Variants in APOBEC2 observed in about 807,000 individuals in gnomAD.
The protein encoded by APOBEC2 is C->U-editing enzyme APOBEC-2.
A neutral mutation model predicts 19.4 loss-of-function variants in APOBEC2; 14 were observed. The ratio of observed to expected loss-of-function variants is 0.72; its 90% CI spans 0.48 to 1.13. The LOEUF (loss-of-function observed/expected upper bound fraction) is 1.13, where lower values mean the gene tolerates loss of function less well. APOBEC2 is among the 50% of genes most tolerant of loss of function. The probability of loss-of-function intolerance (pLI) is 0.00; values close to 1 mark genes in which losing one functional copy is unlikely to be tolerated. For missense variants in APOBEC2, 304 were observed against 277.0 expected, an observed-to-expected ratio of 1.10 and a Z score of -0.69; for synonymous variants, 127 against 112.1, an observed-to-expected ratio of 1.13 and a Z score of -0.84.
intron 1 of APOBEC2, among the ~76,000 whole-genome samples, chr6:41,057,686 A>G (rs1192115920): frequency 1.3e-5 from 2 of 152,186 alleles, no homozygotes; most frequent in Non-Finnish European, 2.9e-5. Flanking sequence ...ATAATTACCT[A>G]TGAGTAGATT....
In APOBEC2 at chr6:41,061,752, T is replaced by A; in HGVS notation, c.556T>A (p.Tyr186Asn). 1.2e-6 allele frequency: 2 copies of A among 1,614,240 alleles called. No homozygotes were observed. Among genetic ancestry groups the A allele is most frequent in the Non-Finnish European group, 1.7e-6 (2 of 1,180,048 alleles). ...CATCATGAAGCCCCAGGACTTCGAA[T>A]ATGTCTGGCAGAATTTTGTGGAGCA... ...LRIMKPQDFE[Y>N]VWQNFVEQEE... Residue 186 changes from tyrosine to asparagine, a missense_variant, in exon 2 of 3, where the codon TAT (tyrosine) becomes AAT (asparagine). Coordinates refer to ENST00000244669, the MANE Select transcript of APOBEC2 (RefSeq NM_006789.4).
chr6:41,061,347 T>G lies in APOBEC2; in HGVS notation c.151T>G (p.Phe51Val). The G allele has an allele frequency of 6.5e-7, 1 of 1,529,826 alleles. No individual in the cohort carries two copies. Among genetic ancestry groups the G allele is most frequent in the Non-Finnish European group, 8.8e-7 (1 of 1,139,948 alleles). The allele number at this position is 1,529,826 out of a possible 1,614,324, so 94.8% of individuals were successfully genotyped here. ...CTACAGAGAACGGCTGCCTGCCAAC[T>G]TCTTTAAATTCCAGTTCCGGAATGT... ...IVTGERLPAN[F>V]FKFQFRNVEY... The change falls in exon 2 of 3, where the codon TTC (phenylalanine) becomes GTC (valine). Residue 51 changes from phenylalanine to valine, a missense_variant. Transcript: ENST00000244669.
At chr6:41,056,471 CTCTT>C (rs1762797011) in intron 1 of APOBEC2, among the ~76,000 whole-genome samples, 1 of 152,236 alleles carries the variant, frequency 6.6e-6, no homozygotes, top group South Asian at 2.1e-4. Flanking sequence ...AGATTACTCA[CTCTT>C]TCAGGTGAGG....
At position 41,053,446 on chromosome 6, in the gene APOBEC2, G is replaced by A. The variant is rs200503212; in HGVS notation, c.99G>A (p.Leu33=). The A allele has an allele frequency of 1.9e-6, 3 of 1,614,230 alleles. No individual in the cohort carries two copies. Among genetic ancestry groups the A allele is most frequent in the East Asian group, 2.2e-5 (1 of 44,884 alleles). ...NLDDPEKLKE[L]IELPPFEIVT... ...ACGACCCTGAGAAGCTGAAAGAGCT[G>A]ATTGAGCTGCCGCCCTTTGAGATTG... is the stretch of plus-strand genomic sequence containing the variant. Residue 33 remains leucine (L), a synonymous_variant, in exon 1 of 3, where the codon CTG becomes CTA. Coordinates refer to ENST00000244669, the MANE Select transcript of APOBEC2 (RefSeq NM_006789.4).
chr6:41,059,720 G>A (rs1015732311), intron 1 of APOBEC2, among the ~76,000 whole-genome samples: 23 of 152,126 alleles, frequency 1.5e-4, no homozygotes, highest in Admixed American at 1.5e-3. Context: ...TGATGGGTGG[G>A]GGTGAGGGAA....
In APOBEC2 at chr6:41,061,309, T is replaced by C. The variant is rs1052717098; in HGVS notation, c.132-19T>C. The C allele has an allele frequency of 6.6e-7, 1 of 1,515,894 alleles. No homozygotes were observed. Among genetic ancestry groups the C allele is most frequent in the African/African-American group, 1.4e-5 (1 of 71,676 alleles). 93.9% of individuals were successfully genotyped at this position (1,515,894 alleles called of 1,614,324 possible). On this transcript the variant is annotated intron_variant, in intron 1 of 2. Coordinates refer to ENST00000244669, the MANE Select transcript of APOBEC2 (RefSeq NM_006789.4). ...GAACTTATCATTCTTTCCTGTCCTT[T>C]TGTCTCCTTGACCTACAGAGAACGG...
chr6:41,054,549 T>C (rs370367486), intron 1 of APOBEC2, among the ~76,000 whole-genome samples: 11 of 152,328 alleles, frequency 7.2e-5, no homozygotes, highest in African/African-American at 2.6e-4. Flanking sequence ...TGAAGATCTA[T>C]AGTAGTAAGG....
chr6:41,055,177 T>C (rs1478241258), intron 1 of APOBEC2, among the ~76,000 whole-genome samples: 1 of 152,208 alleles, frequency 6.6e-6, no homozygotes. Context: ...GCACATCTTC[T>C]TACTCCCAGC....
At chr6:41,063,207 T>C (rs1762901384) in intron 2 of APOBEC2, among the ~76,000 whole-genome samples, 1 of 152,160 alleles carries the variant, frequency 6.6e-6, no homozygotes, top group Admixed American at 6.5e-5. Flanking sequence ...CTTTCAGCCA[T>C]TTCTTTTAAA....
intron 1 of APOBEC2, among the ~76,000 whole-genome samples, chr6:41,057,196 G>C (rs886345656): frequency 6.6e-6 from 1 of 152,206 alleles, no homozygotes; most frequent in Non-Finnish European, 1.5e-5. Context: ...AAGGAACACA[G>C]AGAGGCAGTG....
At chr6:41,055,820 G>A (rs1762788095) in intron 1 of APOBEC2, among the ~76,000 whole-genome samples, 1 of 152,234 alleles carries the variant, frequency 6.6e-6, no homozygotes, top group South Asian at 2.1e-4. Context: ...GCCAGTTCCT[G>A]TTGGTTCACA....
rs1230183455 is a variant in APOBEC2, at chr6:41,061,550, T to C, written c.354T>C (p.Asn118=). 13 of 1,614,228 alleles carry C rather than the reference T, an allele frequency of 8.1e-6. No individual in the cohort carries two copies. Among genetic ancestry groups the C allele is most frequent in the African/African-American group, 1.3e-5 (1 of 75,060 alleles). Residue 118 remains asparagine (N), a synonymous_variant, in exon 2 of 3, where the codon AAT becomes AAC. Transcript: ENST00000244669. ...CCTTCGACCCAGCCCTGCGGTACAA[T>C]GTCACCTGGTATGTGTCCTCCAGCC... The part of the protein sequence containing the change: ...LPAFDPALRY[N]VTWYVSSSPC...
At chr6:41,060,174 G>T (rs1282226775) in intron 1 of APOBEC2, among the ~76,000 whole-genome samples, 1 of 151,714 alleles carries the variant, frequency 6.6e-6, no homozygotes, top group Non-Finnish European at 1.5e-5. Context: ...AAAATTCCTG[G>T]ACTTTTCCTG....
chr6:41,059,644 C>T (rs949139345), intron 1 of APOBEC2, among the ~76,000 whole-genome samples: 4 of 152,208 alleles, frequency 2.6e-5, no homozygotes, highest in African/African-American at 9.7e-5. Context: ...TCAAACACAT[C>T]CATCTCCACA....
At chr6:41,059,549 A>T (rs1220241018) in intron 1 of APOBEC2, among the ~76,000 whole-genome samples, 1 of 152,192 alleles carries the variant, frequency 6.6e-6, no homozygotes, top group Non-Finnish European at 1.5e-5. Context: ...CTAAAATGTT[A>T]AGTAAACAAT....
Position 41,061,472 on chromosome 6 carries a change from T to C in APOBEC2, c.276T>C (p.Asp92=), listed in dbSNP as rs752615242. The change falls in exon 2 of 3, where the codon GAT becomes GAC. Residue 92 remains aspartate, a synonymous_variant. Coordinates refer to ENST00000244669, the MANE Select transcript of APOBEC2 (RefSeq NM_006789.4). ...AGGCATCTCGGGGATACCTAGAGGA[T>C]GAGCATGCGGCTGCCCATGCAGAGG... ...QVQASRGYLE[D]EHAAAHAEEA... 5.6e-6 allele frequency: 9 copies of C among 1,613,888 alleles called. No individual in the cohort carries two copies. The South Asian group carries it at 9.9e-5, about 18-fold the overall frequency.
chr6:41,054,870 CT>C (rs1762775078), intron 1 of APOBEC2, among the ~76,000 whole-genome samples: 1 of 152,214 alleles, frequency 6.6e-6, no homozygotes, highest in African/African-American at 2.4e-5. Flanking sequence ...ACACTACACT[CT>C]TGTGTGGCTT....
At chr6:41,054,406 A>T (rs1419974599) in intron 1 of APOBEC2, among the ~76,000 whole-genome samples, 1 of 152,146 alleles carries the variant, frequency 6.6e-6, no homozygotes, top group Non-Finnish European at 1.5e-5. Flanking sequence ...GTGCGAGACT[A>T]AGAGAAGTTT....
Position 41,061,911 on chromosome 6 carries a change from A to G in APOBEC2, c.*21+19A>G, listed in dbSNP as rs1253585930. ...GCCTCACGTGAGTTTTCCTGGTGCCATGGCACCAACACTTTATTATGTTAA... is the reference window on the plus strand; with the variant it reads ...GCCTCACGTGAGTTTTCCTGGTGCCGTGGCACCAACACTTTATTATGTTAA... On this transcript the variant is annotated intron_variant, in intron 2 of 2. Transcript: ENST00000244669. 7 of 1,581,858 alleles carry G rather than the reference A, an allele frequency of 4.4e-6. No homozygotes were observed. Among genetic ancestry groups the G allele is most frequent in the Non-Finnish European group, 5.1e-6 (6 of 1,165,530 alleles).
Sources: allele counts gnomAD v4.1 joint callset (sites outside exome capture counted in the v4.1 genomes callset), GRCh38; gene constraint gnomAD v4.1.1; transcripts MANE v1.5; gene names NCBI Gene and HGNC (gene_info 2026-07-23, HGNC 2026-07-21).